The following TANC2 variants were observed in gnomAD, a reference collection of about 807,000 sequenced individuals.
TANC2 encodes the protein tetratricopeptide repeat, ankyrin repeat and coiled-coil containing 2.
In TANC2, 26 loss-of-function variants were observed where a neutral mutation model predicts 210.5. The ratio of observed to expected loss-of-function variants is 0.12; its 90% CI spans 0.09 to 0.17. The LOEUF (loss-of-function observed/expected upper bound fraction) is 0.17, where lower values mean the gene tolerates loss of function less well. Ranked by LOEUF, TANC2 falls within the 10% of genes least tolerant of loss-of-function variation. The probability of loss-of-function intolerance (pLI) is 1.00; values close to 1 mark genes in which losing one functional copy is unlikely to be tolerated. For missense variants in TANC2, 2,129 were observed against 2,608.9 expected (o/e 0.82, Z 4.01); for synonymous variants, 931 against 967.1 (o/e 0.96, Z 0.69).
At chr17:62,993,103 A>G (rs1472501024) in intron 1 of TANC2, among the ~76,000 whole-genome samples, 1 of 152,134 alleles carries the variant, frequency 6.6e-6, no homozygotes, top group Non-Finnish European at 1.5e-5. Context: ...TTTTAATGAC[A>G]TTTGTGACTA....
intron 2 of TANC2, among the ~76,000 whole-genome samples, chr17:63,041,736 A>G (rs893238719): frequency 1.3e-5 from 2 of 152,206 alleles, no homozygotes; most frequent in East Asian, 1.9e-4. Context: ...AATGAATAAC[A>G]TAATTTCAGA....
chr17:63,379,490 C>T (rs565689336), intron 14 of TANC2, among the ~76,000 whole-genome samples: 48 of 152,178 alleles, frequency 3.2e-4, no homozygotes, highest in African/African-American at 1.0e-3. Flanking sequence ...GCCAACATGG[C>T]GAAACCCCAT....
chr17:63,394,774 C>A (rs571968003), intron 17 of TANC2, among the ~76,000 whole-genome samples: 1 of 152,146 alleles, frequency 6.6e-6, no homozygotes, highest in Non-Finnish European at 1.5e-5. Flanking sequence ...TTTTACATTC[C>A]TTTAAATTTA....
In TANC2 at chr17:63,063,557, T is replaced by TA. The variant is rs1251553922; in HGVS notation, c.68-10386_68-10385insA. On this transcript the variant is annotated intron_variant, in intron 2 of 27. Transcript: ENST00000689528. ...GTGTGTGTGTGTGTGTGTGTGTGTGTGTGTGTGTGTGTGTGTGTAGATATA... is the reference window on the plus strand; with the variant it reads ...GTGTGTGTGTGTGTGTGTGTGTGTGTAGTGTGTGTGTGTGTGTGTAGATATA... Among the ~76,000 whole-genome samples the TA allele has an allele frequency of 3.8e-5, 4 of 106,562 alleles. 1 individual carries two copies. Among genetic ancestry groups the TA allele is most frequent in the African/African-American group, 1.1e-4 (2 of 18,124 alleles). The allele number at this position is 106,562 out of a possible 152,430, so 69.9% of individuals were successfully genotyped here.
Position 63,421,500 on chromosome 17 carries a change from T to C in TANC2, c.5770T>C (p.Ser1924Pro). 7 of 1,613,928 alleles carry C rather than the reference T, an allele frequency of 4.3e-6. No homozygotes were observed. Among genetic ancestry groups the C allele is most frequent in the Non-Finnish European group, 5.9e-6 (7 of 1,179,882 alleles). Reference sequence around the variant, plus strand: ...AGGTTACCCCAGTGAGCCCACCCGATCCAGGACCACACCATTCATGGGGAT... The same window carrying C: ...AGGTTACCCCAGTGAGCCCACCCGACCCAGGACCACACCATTCATGGGGAT... Residue 1924 changes from serine to proline, a missense_variant, in exon 28 of 28, where the codon TCC (serine) becomes CCC (proline). By Grantham distance (74) the Ser-to-Pro change is moderately conservative. Transcript: ENST00000689528. The surrounding 1 kb of genome is among the most constrained non-coding windows in gnomAD (Gnocchi z 6.9).
In TANC2 at chr17:63,116,332, G is replaced by C. The variant is rs150557259; in HGVS notation, c.322+16975G>C. Among the ~76,000 whole-genome samples, 199 of 152,312 alleles carry C rather than the reference G, an allele frequency of 1.3e-3. 2 individuals are homozygous for C. The highest frequency in any genetic ancestry group is 4.5e-3 in the African/African-American group (186 of 41,572). ...ACCATTACGACAATTCTATGCATTG[G>C]TGCTTTCACTGGCTCCCTCTTCTCC... On this transcript the variant is annotated intron_variant, in intron 4 of 27. Coordinates refer to ENST00000689528, the Ensembl canonical transcript of TANC2.
intron 2 of TANC2, among the ~76,000 whole-genome samples, chr17:63,053,969 GTC>G (rs1428087368): frequency 1.3e-5 from 2 of 152,062 alleles, no homozygotes; most frequent in East Asian, 3.9e-4. Context: ...CTCTTAATTG[GTC>G]TCTCTGCTTT....
At chr17:63,103,870 T>A (rs1008718790) in intron 4 of TANC2, among the ~76,000 whole-genome samples, 1 of 152,138 alleles carries the variant, frequency 6.6e-6, no homozygotes, top group African/African-American at 2.4e-5. Context: ...TTGTCACTGG[T>A]GTCTCCACTT....
intron 4 of TANC2, among the ~76,000 whole-genome samples, chr17:63,145,615 A>T (rs778181587): frequency 6.6e-5 from 10 of 152,008 alleles, no homozygotes; most frequent in South Asian, 2.1e-4. Flanking sequence ...ATCTAACCTC[A>T]CTCTTTTGCA....
intron 5 of TANC2, among the ~76,000 whole-genome samples, chr17:63,160,082 C>A (rs1024576593): frequency 1.2e-4 from 18 of 152,194 alleles, no homozygotes; most frequent in Admixed American, 1.2e-3. Flanking sequence ...AGAGAGGTTT[C>A]TCTTCTTATA....
chr17:63,415,520 C>T lies in TANC2; in HGVS notation c.4021-8C>T. 6.2e-7 allele frequency: 1 copy of T among 1,613,024 alleles called. No individual in the cohort carries two copies. Among genetic ancestry groups the T allele is most frequent in the Non-Finnish European group, 8.5e-7 (1 of 1,179,504 alleles). ...ACTGTGTGTTTCGCCATCTTGTGCT[C>T]CCATTAGAAAGGTAAAGTAAAGGAA... On this transcript the variant is annotated splice_region_variant and splice_polypyrimidine_tract_variant and intron_variant, in intron 25 of 27. Coordinates refer to ENST00000689528, the Ensembl canonical transcript of TANC2.
At chr17:63,034,065 A>C (rs2034878708) in intron 2 of TANC2, among the ~76,000 whole-genome samples, 1 of 152,146 alleles carries the variant, frequency 6.6e-6, no homozygotes, top group African/African-American at 2.4e-5. Flanking sequence ...GAAGATGGTT[A>C]CACTAAACAA....
chr17:63,350,233 GCTT>G (rs1598915318), intron 12 of TANC2, among the ~76,000 whole-genome samples: 10 of 152,194 alleles, frequency 6.6e-5, no homozygotes, highest in Admixed American at 4.6e-4. Context: ...TCTGTCCTCG[GCTT>G]CTTCTTTTTC....
Position 63,202,999 on chromosome 17 carries a change from T to G in TANC2, c.769+2042T>G, listed in dbSNP as rs182231989. On this transcript the variant is annotated intron_variant, in intron 7 of 27. Transcript: ENST00000689528. ...TTCTTCACATTTTACCTGCGAACACTTAGGTTGCTTCCAACTCCTCTACCA... is the reference window on the plus strand; with the variant it reads ...TTCTTCACATTTTACCTGCGAACACGTAGGTTGCTTCCAACTCCTCTACCA... Among the ~76,000 whole-genome samples the G allele has an allele frequency of 3.0e-3, 452 of 152,268 alleles. 3 individuals carry two copies. The highest frequency in any genetic ancestry group is 0.017 in the Middle Eastern group (5 of 294).
At position 63,174,669 on chromosome 17, in the gene TANC2, T is replaced by C. The variant is rs559654273; in HGVS notation, c.434-19322T>C. On this transcript the variant is annotated intron_variant, in intron 5 of 27. Transcript: ENST00000689528. ...TCTCCTACTCTAACTACTTTTACAT[T>C]ACATAAATATGTTTGTATGTTAGCA... Among the ~76,000 whole-genome samples the C allele has an allele frequency of 9.2e-5, 14 of 152,060 alleles. No individual in the cohort carries two copies. The South Asian group carries it at 2.1e-3, about 23-fold the overall frequency.
At position 63,123,981 on chromosome 17, in the gene TANC2, A is replaced by G. The variant is rs201397834; in HGVS notation, c.322+24624A>G. 8.4e-4 allele frequency among the ~76,000 whole-genome samples: 128 copies of G among 152,246 alleles called. 1 individual carries two copies. In the East Asian group the frequency reaches 0.014, roughly 16 times the overall value. On this transcript the variant is annotated intron_variant, in intron 4 of 27. Transcript: ENST00000689528. ...CTCCCAAAGTGCTGGGATCACAGGC[A>G]TGAGCCACAGCGCCCGGCCATAAGG... is the stretch of plus-strand genomic sequence containing the variant.
intron 14 of TANC2, among the ~76,000 whole-genome samples, chr17:63,372,412 T>A (rs2047296129): frequency 6.6e-6 from 1 of 152,200 alleles, no homozygotes; most frequent in Non-Finnish European, 1.5e-5. Context: ...GTATCACATT[T>A]CACCCTGCTA....
intron 1 of TANC2, among the ~76,000 whole-genome samples, chr17:62,969,711 GTA>G (rs772853229): frequency 1.7e-3 from 227 of 137,044 alleles, no homozygotes; most frequent in Non-Finnish European, 2.2e-3. Flanking sequence ...GTGTGTGTGT[GTA>G]TATAAATACA....
intron 15 of TANC2, chr17:63,381,552 T>C (rs1367272052): frequency 1.3e-5 from 2 of 152,234 alleles, no homozygotes; most frequent in Non-Finnish European, 2.9e-5. Flanking sequence ...ACTTGAAACT[T>C]CTATTCAGCA....
Sources: gnomAD v4.1 joint callset for allele counts (sites outside exome capture counted in the v4.1 genomes callset) on GRCh38, gnomAD v4.1.1 for gene constraint, Gnocchi (gnomAD v3.1) non-coding constraint, MANE v1.5 for transcripts, NCBI Gene and HGNC (gene_info 2026-07-23, HGNC 2026-07-21) for gene names.